MTAP: variants seen among roughly 807,000 people sequenced by gnomAD.
The protein encoded by MTAP is S-methyl-5'-thioadenosine phosphorylase.
Under a neutral mutation model 33.6 loss-of-function variants are expected in MTAP, and 33 were observed. The ratio of observed to expected loss-of-function variants is 0.98; its 90% CI spans 0.74 to 1.31. The LOEUF (loss-of-function observed/expected upper bound fraction) is 1.31. Among genes scored for constraint, MTAP ranks in the 40% most tolerant of loss-of-function variants. The probability of loss-of-function intolerance (pLI) is 0.00; values close to 1 mark genes in which losing one functional copy is unlikely to be tolerated. For synonymous variants in MTAP, 148 were observed against 125.7 expected (o/e 1.18, Z -1.19); for missense variants, 367 against 360.0 (o/e 1.02, Z -0.16).
intron 2 of MTAP, among the ~76,000 whole-genome samples, chr9:21,816,034 G>A (rs532889861): frequency 1.3e-5 from 2 of 152,198 alleles, no homozygotes; most frequent in Non-Finnish European, 2.9e-5. Flanking sequence ...GAGGTTGCTT[G>A]TTCTCCAAGC....
intron 1 of MTAP, among the ~76,000 whole-genome samples, chr9:21,901,270 C>A (rs1209639253): frequency 6.6e-6 from 1 of 152,132 alleles, no homozygotes; most frequent in Non-Finnish European, 1.5e-5. Context: ...CTCAATGTTA[C>A]AAAAATGTTA....
chr9:21,847,997 ACT>A (rs1825422996), intron 5 of MTAP, among the ~76,000 whole-genome samples: 2 of 151,700 alleles, frequency 1.3e-5, no homozygotes, highest in Non-Finnish European at 2.9e-5. Context: ...GAGTTTGAAA[ACT>A]CTGATGAACC....
chr9:21,850,222 A>G (rs1219549533), intron 5 of MTAP, among the ~76,000 whole-genome samples: 1 of 152,130 alleles, frequency 6.6e-6, no homozygotes, highest in African/African-American at 2.4e-5. Flanking sequence ...GGGACCTTCT[A>G]CCTCAGTAAA....
chr9:21,898,609 G>A (rs949449885), intron 1 of MTAP, among the ~76,000 whole-genome samples: 2 of 152,188 alleles, frequency 1.3e-5, no homozygotes, highest in African/African-American at 4.8e-5. Flanking sequence ...ATACATTTAT[G>A]CAGCCAACAG....
intron 1 of MTAP, among the ~76,000 whole-genome samples, chr9:21,918,191 A>C (rs1207313228): frequency 2.8e-5 from 4 of 143,552 alleles, no homozygotes; most frequent in African/African-American, 1.2e-4. Context: ...TCTACTAAAA[A>C]TACAAAAAAT....
rs190669521 is a variant in MTAP, at chr9:21,863,571, C to T, written c.*1557C>T. On this transcript the variant is annotated 3_prime_UTR_variant, in exon 8 of 8. Coordinates refer to ENST00000644715, the MANE Select transcript of MTAP (RefSeq NM_002451.4). ...GCAGTGAGCAGAGCTTGCAGTGAGA[C>T]GAGCTTGTGCCACTGCACTCCAGCC... is the stretch of plus-strand genomic sequence containing the variant. 6 of 868,450 alleles carry T rather than the reference C, an allele frequency of 6.9e-6. No individual in the cohort carries two copies. The highest frequency in any genetic ancestry group is 1.3e-4 in the Admixed American group (2 of 15,992). 53.8% of individuals were successfully genotyped at this position (868,450 alleles called of 1,614,324 possible). A position where few individuals can be genotyped will look rare whatever the true frequency, so the allele number is the denominator to read the frequency against.
intron 6 of MTAP, among the ~76,000 whole-genome samples, chr9:21,855,150 G>A (rs1298023771): frequency 2.0e-5 from 3 of 152,180 alleles, no homozygotes; most frequent in Non-Finnish European, 4.4e-5. Flanking sequence ...CAGGATAAAG[G>A]TGTATTTTGA....
At chr9:21,902,355 C>A (rs756641) in intron 1 of MTAP, among the ~76,000 whole-genome samples, 35,524 of 152,118 alleles carry the variant, frequency 0.23, 4,441 homozygotes, top group Admixed American at 0.36. Flanking sequence ...CATGCCTATG[C>A]CCTACCTGCA....
downstream of MTAP, chr9:21,931,761 T>C (rs1818963086): frequency 6.6e-6 from 1 of 152,248 alleles, no homozygotes; most frequent in African/African-American, 2.4e-5. Flanking sequence ...CACTTGGCCC[T>C]CTTCTAAGTG....
chr9:21,912,509 T>C (rs1818595892), intron 1 of MTAP, among the ~76,000 whole-genome samples: 1 of 152,150 alleles, frequency 6.6e-6, no homozygotes, highest in Admixed American at 6.5e-5. Flanking sequence ...ATCCACCATA[T>C]AAACATAACC....
At chr9:21,820,943 T>G (rs887349500) in intron 4 of MTAP, among the ~76,000 whole-genome samples, 4 of 152,222 alleles carry the variant, frequency 2.6e-5, no homozygotes, top group Non-Finnish European at 4.4e-5. Context: ...TATTGGTGTA[T>G]AAGAATGCTT....
chr9:21,886,651 A>G (rs892999482), intron 1 of MTAP, among the ~76,000 whole-genome samples: 22 of 152,086 alleles, frequency 1.4e-4, no homozygotes, highest in Non-Finnish European at 5.9e-5. Flanking sequence ...TCATTCTTCT[A>G]TGTGGCTTGC....
intron 1 of MTAP, among the ~76,000 whole-genome samples, chr9:21,813,097 G>A (rs1824391702): frequency 6.6e-6 from 1 of 152,212 alleles, no homozygotes; most frequent in Non-Finnish European, 1.5e-5. Flanking sequence ...TCAAAGGAAT[G>A]TGGATAGAAT....
chr9:21,868,073 G>A (rs1056347807), downstream of MTAP, among the ~76,000 whole-genome samples: 5 of 152,146 alleles, frequency 3.3e-5, no homozygotes, highest in Non-Finnish European at 5.9e-5. Context: ...TTCCAGAAAG[G>A]TTCTGGAAAG....
At chr9:21,918,125 C>T (rs745698804) in intron 1 of MTAP, among the ~76,000 whole-genome samples, 2 of 129,102 alleles carry the variant, frequency 1.5e-5, no homozygotes, top group Admixed American at 7.5e-5. Context: ...CCGAGGCGGG[C>T]GGATCACGAG....
chr9:21,831,857 G>A (rs767309613), intron 4 of MTAP, among the ~76,000 whole-genome samples: 10 of 151,862 alleles, frequency 6.6e-5, no homozygotes, highest in South Asian at 4.2e-4. Flanking sequence ...TGTGATTCCC[G>A]GTGCTAAACA....
At chr9:21,844,993 T>A (rs1020562901) in intron 5 of MTAP, among the ~76,000 whole-genome samples, 2 of 147,874 alleles carry the variant, frequency 1.4e-5, no homozygotes, top group Non-Finnish European at 3.0e-5. Flanking sequence ...ATCACGCCAC[T>A]GCACTCCAGC....
At chr9:21,871,785 A>C (rs1396997988), downstream of MTAP, among the ~76,000 whole-genome samples, 1 of 152,166 alleles carries the variant, frequency 6.6e-6, no homozygotes, top group East Asian at 1.9e-4. Context: ...TATTACTCAT[A>C]GGCCATTTGT....
Position 21,899,230 on chromosome 9 carries a change from T to C in MTAP, c.148-31778T>C, listed in dbSNP as rs566496189. Among the ~76,000 whole-genome samples the C allele has an allele frequency of 9.2e-5, 9 of 97,622 alleles. No individual in the cohort carries two copies. The South Asian group carries it at 4.1e-3, about 44-fold the overall frequency. 64.0% of individuals were successfully genotyped at this position (97,622 alleles called of 152,430 possible). The stretch of plus-strand genomic sequence containing the variant: ...GGGGAACATCACACACCGGGGCCTG[T>C]TGTGGGGTGGGGGGAGGGGGGAGGG... On this transcript the variant is annotated intron_variant, in intron 1 of 1. Transcript: ENST00000577563.
Sources: gnomAD v4.1 joint callset for allele counts (sites outside exome capture counted in the v4.1 genomes callset) on GRCh38, gnomAD v4.1.1 for gene constraint, MANE v1.5 for transcripts, NCBI Gene and HGNC (gene_info 2026-07-23, HGNC 2026-07-21) for gene names.